C4orf50: variants seen among roughly 807,000 people sequenced by gnomAD.
C4orf50 encodes the protein uncharacterized protein C4orf50.
In C4orf50, 80 loss-of-function variants were observed where a neutral mutation model predicts 77.2. The observed-to-expected ratio is 1.04, with a 90% CI of 0.87 to 1.25. C4orf50 has a LOEUF of 1.25. C4orf50 is among the 50% of genes most tolerant of loss of function. The pLI, the probability that C4orf50 is intolerant of heterozygous loss-of-function variation, is 0.00. For synonymous variants in C4orf50, 532 were observed against 465.3 expected (o/e 1.14, Z -1.84); for missense variants, 1,257 against 1,152.9 (o/e 1.09, Z -1.31).
intron 26 of C4orf50, 105 bp from the exon 5 acceptor site, chr4:5,993,035 C>T: frequency 2.5e-6 from 1 of 396,942 alleles, no homozygotes; most frequent in Non-Finnish European, 4.4e-6. Context: ...ATGGCACCCC[C>T]CCCACCCCCG....
At position 5,989,770 on chromosome 4, in the gene C4orf50, AT is replaced by A; in HGVS notation, c.2275del (p.Met759CysfsTer34). On this transcript the variant is annotated frameshift_variant, in exon 28 of 34. Coordinates refer to ENST00000531445, the Ensembl canonical transcript of C4orf50. LOFTEE classifies it high-confidence loss of function. Reference sequence around the variant, plus strand: ...ACCTGTCTCTCCTGCAAAGAAAAGCATTTCCTTGCTCTCATGTTCCTGGGAG... The same window carrying A: ...ACCTGTCTCTCCTGCAAAGAAAAGCATTCCTTGCTCTCATGTTCCTGGGAG... The A allele has an allele frequency of 6.5e-7, 1 of 1,528,792 alleles. No homozygotes were observed. Among genetic ancestry groups the A allele is most frequent in the Non-Finnish European group, 8.8e-7 (1 of 1,141,526 alleles). 94.7% of individuals were successfully genotyped at this position (1,528,792 alleles called of 1,614,324 possible).
intron 25 of C4orf50, among the ~76,000 whole-genome samples, chr4:6,003,503 ATGATGGTGATGGTGATGATGATGTGGTGG>A (rs1205671764): frequency 6.6e-6 from 1 of 151,454 alleles, no homozygotes; most frequent in South Asian, 2.1e-4. Flanking sequence ...GATGTTGGTG[ATGATGGTGATGGTGATGATGATGTGGTGG>A]TGATGGTGAT....
rs1721364641 is a variant in C4orf50, at chr4:5,992,799, T to C, written c.1221+4A>G. 2.5e-6 allele frequency: 1 copy of C among 399,116 alleles called. No individual in the cohort carries two copies. The highest frequency in any genetic ancestry group is 3.6e-5 in the East Asian group (1 of 28,050). The allele number at this position is 399,116 out of a possible 1,614,324, so 24.7% of individuals were successfully genotyped here. On this transcript the variant is annotated splice_donor_region_variant and intron_variant, in intron 27 of 33. Coordinates refer to ENST00000531445, the Ensembl canonical transcript of C4orf50. This position sits in a 1 kb window ranked among gnomAD's most constrained non-coding sequence, Gnocchi z 5.0. Reference sequence around the variant, plus strand: ...ACACACACGCAGAAAGCCTCTGGCCTCACCTGTTCACGGTTGGATCCGGCC... The same window carrying C: ...ACACACACGCAGAAAGCCTCTGGCCCCACCTGTTCACGGTTGGATCCGGCC...
chr4:5,902,618 G>A (rs1716388341), intron 7 of C4orf50: 1 of 152,154 alleles, frequency 6.6e-6, no homozygotes, highest in Non-Finnish European at 1.5e-5. Flanking sequence ...CCTTGTAATA[G>A]CCCAGTGGGG....
At chr4:5,999,785 G>A (rs1188356436) in intron 25 of C4orf50, among the ~76,000 whole-genome samples, 1 of 152,216 alleles carries the variant, frequency 6.6e-6, no homozygotes, top group Non-Finnish European at 1.5e-5. Flanking sequence ...GAGCTGACGT[G>A]AGATCAGGGA....
intron 33 of C4orf50, among the ~76,000 whole-genome samples, chr4:5,960,212 T>C (rs1719197520): frequency 6.6e-6 from 1 of 152,220 alleles, no homozygotes; most frequent in African/African-American, 2.4e-5. Flanking sequence ...GCCCATCTGA[T>C]TTCAAACCTC....
rs1716317731 is a variant in C4orf50 at position 5,900,941 on chromosome 4, A to G, written c.*2475-2753T>C. ...TGTGTGTCACCCTCTGTATGTCACCATGTGTGTCACCATTTGTATGTCTTG... is the reference window on the plus strand; with the variant it reads ...TGTGTGTCACCCTCTGTATGTCACCGTGTGTGTCACCATTTGTATGTCTTG... On this transcript the variant is annotated intron_variant, in intron 7 of 7. Transcript: ENST00000324058. This position sits in a 1 kb window ranked among gnomAD's most constrained non-coding sequence, Gnocchi z 4.3. The G allele has an allele frequency of 6.6e-6, 1 of 152,204 alleles. No homozygotes were observed. The highest frequency in any genetic ancestry group is 2.4e-5 in the African/African-American group (1 of 41,450). 9.4% of individuals were successfully genotyped at this position (152,204 alleles called of 1,614,324 possible). A position where few individuals can be genotyped will look rare whatever the true frequency, so the allele number is the denominator to read the frequency against.
chr4:5,979,477 TACAC>T (rs749268754), intron 29 of C4orf50, among the ~76,000 whole-genome samples: 7 of 152,240 alleles, frequency 4.6e-5, no homozygotes, highest in Non-Finnish European at 8.8e-5. Context: ...CATGTACACA[TACAC>T]ACACATTCAG....
intron 29 of C4orf50, among the ~76,000 whole-genome samples, chr4:5,979,627 T>G (rs1037110102): frequency 1.4e-4 from 21 of 152,352 alleles, no homozygotes; most frequent in Admixed American, 9.2e-4. Context: ...CTTGTACATG[T>G]TTTTTAGAGA....
At chr4:5,928,398 A>C (rs369607190) in intron 7 of C4orf50, among the ~76,000 whole-genome samples, 35 of 151,570 alleles carry the variant, frequency 2.3e-4, no homozygotes, top group South Asian at 1.3e-3. Flanking sequence ...ACACACACAC[A>C]CCCTGAAGAT....
chr4:5,953,726 G>A (rs888418513), downstream of C4orf50, among the ~76,000 whole-genome samples: 2 of 152,142 alleles, frequency 1.3e-5, no homozygotes, highest in Non-Finnish European at 2.9e-5. Flanking sequence ...GGGCCTGGGG[G>A]ACTCCAAGAC....
chr4:5,929,335 G>C (rs139997455), intron 7 of C4orf50, among the ~76,000 whole-genome samples: 4 of 152,136 alleles, frequency 2.6e-5, no homozygotes, highest in African/African-American at 7.2e-5. Context: ...TATCTGCATC[G>C]GTTTGAAGGC....
rs975882175 is a variant in C4orf50 at position 5,939,749 on chromosome 4, C to G, written c.*2474+17152G>C. 2.0e-5 allele frequency among the ~76,000 whole-genome samples: 3 copies of G among 152,248 alleles called. No individual in the cohort carries two copies. In the South Asian group the frequency reaches 6.2e-4, roughly 32 times the overall value. Reference sequence around the variant, plus strand: ...CATTGCACTGAACCAGGCCTGGATCCTCAGCCCTGTCCCCTGTCCCCAGAC... The same window carrying G: ...CATTGCACTGAACCAGGCCTGGATCGTCAGCCCTGTCCCCTGTCCCCAGAC... On this transcript the variant is annotated intron_variant, in intron 7 of 7. Coordinates refer to the C4orf50 transcript ENST00000324058.
intron 7 of C4orf50, among the ~76,000 whole-genome samples, chr4:5,925,638 A>T (rs960470585): frequency 1.3e-5 from 2 of 152,228 alleles, no homozygotes; most frequent in African/African-American, 4.8e-5. Context: ...CTCTCCCACC[A>T]ATGTGAGCTT....
chr4:5,980,132 G>A (rs1012021555), intron 29 of C4orf50, 42 bp downstream of exon 7: 5 of 1,523,478 alleles, frequency 3.3e-6, no homozygotes, highest in Non-Finnish European at 4.4e-6. Flanking sequence ...CGGGGTGTGG[G>A]AGCCCTGGCT....
downstream of C4orf50, among the ~76,000 whole-genome samples, chr4:5,954,749 A>T (rs1183340143): frequency 6.6e-6 from 1 of 152,154 alleles, no homozygotes; most frequent in Non-Finnish European, 1.5e-5. The surrounding 1 kb of genome is among the most constrained non-coding windows in gnomAD (Gnocchi z 4.7). Context: ...TAGGGAATGG[A>T]AGACGCCCAG....
At chr4:5,977,045 G>A (rs904191876) in intron 29 of C4orf50, among the ~76,000 whole-genome samples, 4 of 152,148 alleles carry the variant, frequency 2.6e-5, no homozygotes, top group African/African-American at 4.8e-5. Context: ...TGGGGAGACC[G>A]TGAGACATGA....
intron 24 of C4orf50, among the ~76,000 whole-genome samples, chr4:6,010,202 G>T (rs1262442866): frequency 1.3e-5 from 2 of 152,092 alleles, no homozygotes; most frequent in Non-Finnish European, 2.9e-5. Context: ...AGTGGCAGAG[G>T]AGTCCCACTC....
At chr4:5,976,539 CTCCAG>C in intron 29 of C4orf50, among the ~76,000 whole-genome samples, 1 of 151,148 alleles carries the variant, frequency 6.6e-6, no homozygotes, top group South Asian at 2.1e-4. Context: ...TCTTCTGAGT[CTCCAG>C]GCAGCCTGGC....
Sources: allele counts gnomAD v4.1 joint callset (sites outside exome capture counted in the v4.1 genomes callset), GRCh38; gene constraint gnomAD v4.1.1; non-coding constraint Gnocchi (gnomAD v3.1); transcripts MANE v1.5; gene names NCBI Gene and HGNC (gene_info 2026-07-23, HGNC 2026-07-21).